The following HDAC9 variants were observed in gnomAD, a reference collection of about 807,000 sequenced individuals.
HDAC9 encodes the protein histone deacetylase 9.
In HDAC9, 41 loss-of-function variants were observed where a neutral mutation model predicts 139.4. The ratio of observed to expected loss-of-function variants is 0.29; its 90% CI spans 0.23 to 0.38. HDAC9 has a LOEUF of 0.38. Among genes scored for constraint, HDAC9 ranks in the 10% least tolerant of loss-of-function variants. The pLI, the probability that HDAC9 is intolerant of heterozygous loss-of-function variation, is 1.00. For synonymous variants in HDAC9, 517 were observed against 476.2 expected (o/e 1.09, Z -1.12); for missense variants, 1,147 against 1,297.0 (o/e 0.88, Z 1.78).
At chr7:18,539,224 G>C in intron 2 of HDAC9, among the ~76,000 whole-genome samples, 1 of 152,140 alleles carries the variant, frequency 6.6e-6, no homozygotes, top group Admixed American at 6.5e-5. Context: ...CTACTTATGT[G>C]GGTGTGATAG....
chr7:18,188,273 C>T (rs557766796), intron 2 of HDAC9, among the ~76,000 whole-genome samples: 10 of 152,150 alleles, frequency 6.6e-5, no homozygotes, highest in African/African-American at 9.6e-5. Context: ...AAATAAATGG[C>T]GTTGGGAAAA....
At chr7:18,342,403 T>G (rs1272682758) in intron 1 of HDAC9, among the ~76,000 whole-genome samples, 1 of 151,914 alleles carries the variant, frequency 6.6e-6, no homozygotes, top group Non-Finnish European at 1.5e-5. Context: ...TCTCCTTTGT[T>G]GCCTCATGTC....
intron 1 of HDAC9, among the ~76,000 whole-genome samples, chr7:18,361,094 A>G (rs1783741140): frequency 6.6e-6 from 1 of 151,980 alleles, no homozygotes; most frequent in Non-Finnish European, 1.5e-5. Context: ...TTAGCTAGCA[A>G]ATTTTTTTTT....
chr7:18,510,005 T>C (rs745602594), intron 2 of HDAC9, among the ~76,000 whole-genome samples: 1 of 152,234 alleles, frequency 6.6e-6, no homozygotes, highest in African/African-American at 2.4e-5. Flanking sequence ...TATTGCACAA[T>C]GTGTTTTTAT....
chr7:18,800,563 C>T (rs529391418), intron 17 of HDAC9, among the ~76,000 whole-genome samples: 5 of 152,102 alleles, frequency 3.3e-5, no homozygotes, highest in Admixed American at 2.0e-4. Context: ...CAAGGGATGG[C>T]GGTGCATGCC....
intron 1 of HDAC9, among the ~76,000 whole-genome samples, chr7:18,391,334 G>T (rs546255677): frequency 1.3e-5 from 2 of 151,794 alleles, no homozygotes; most frequent in East Asian, 3.9e-4. Flanking sequence ...GCAGTGAGCC[G>T]CTATCGTGCC....
chr7:18,856,053 A>G (rs1229232083), intron 21 of HDAC9, among the ~76,000 whole-genome samples: 4 of 152,122 alleles, frequency 2.6e-5, no homozygotes, highest in Non-Finnish European at 5.9e-5. Flanking sequence ...CACAGACCCA[A>G]CATCTGTTGG....
At position 18,262,838 on chromosome 7, in the gene HDAC9, T is replaced by A. The variant is rs138710322; in HGVS notation, c.25+100489T>A. Reference sequence around the variant, plus strand: ...TTGAGATAATATTAATCACCAGGGATTAAGAAAACAACTAAAATGCATACT... The same window carrying A: ...TTGAGATAATATTAATCACCAGGGAATAAGAAAACAACTAAAATGCATACT... On this transcript the variant is annotated intron_variant, in intron 2 of 12. Transcript: ENST00000417496. Among the ~76,000 whole-genome samples the A allele has an allele frequency of 1.6e-4, 25 of 152,194 alleles. No homozygotes were observed. In the East Asian group the frequency reaches 4.6e-3, roughly 28 times the overall value.
intron 1 of HDAC9, among the ~76,000 whole-genome samples, chr7:18,317,842 A>G (rs888401085): frequency 6.6e-6 from 1 of 152,230 alleles, no homozygotes; most frequent in African/African-American, 2.4e-5. Context: ...TCTAACAGAA[A>G]TACTTAGTAG....
chr7:18,319,332 C>G (rs1432056492), intron 1 of HDAC9, among the ~76,000 whole-genome samples: 2 of 152,056 alleles, frequency 1.3e-5, no homozygotes, highest in African/African-American at 4.8e-5. Context: ...TAAACATAAA[C>G]TATAAAGCCA....
intron 12 of HDAC9, among the ~76,000 whole-genome samples, chr7:18,714,582 C>T (rs778993617): frequency 2.0e-5 from 3 of 152,224 alleles, no homozygotes; most frequent in East Asian, 3.8e-4. Flanking sequence ...GGTGCCCTGT[C>T]ACGAGAGTGA....
chr7:18,195,126 C>G (rs1475302746), intron 2 of HDAC9, among the ~76,000 whole-genome samples: 1 of 152,118 alleles, frequency 6.6e-6, no homozygotes, highest in Admixed American at 6.5e-5. Flanking sequence ...CTATCTGAAA[C>G]AACAATTCTA....
chr7:18,860,672 G>T (rs563179351), intron 21 of HDAC9, among the ~76,000 whole-genome samples: 1 of 151,864 alleles, frequency 6.6e-6, no homozygotes, highest in Non-Finnish European at 1.5e-5. Flanking sequence ...ATAAAGGAAA[G>T]AAAAAAAGGA....
At chr7:18,496,746 G>C (rs1193339308) in intron 2 of HDAC9, 1 of 158,246 alleles carries the variant, frequency 6.3e-6, no homozygotes, top group Non-Finnish European at 1.4e-5. Flanking sequence ...TATTTACTCT[G>C]TGCCTACAGA....
chr7:18,639,008 A>G (rs1225072726), intron 8 of HDAC9, among the ~76,000 whole-genome samples: 1 of 152,080 alleles, frequency 6.6e-6, no homozygotes, highest in East Asian at 1.9e-4. Flanking sequence ...TTTATTTGAT[A>G]GCTATTTTAA....
rs1419735453 is a variant in HDAC9 at position 18,662,779 on chromosome 7, G to A, written c.1468-3434G>A. On this transcript the variant is annotated intron_variant, in intron 11 of 25. Transcript: ENST00000686413. The stretch of plus-strand genomic sequence containing the variant: ...GAGGAGGTAGTACGAGACGGTGAAA[G>A]TAAATTAACTAGAAAAGTGGAATAG... 2.0e-5 allele frequency among the ~76,000 whole-genome samples: 3 copies of A among 152,106 alleles called. No homozygotes were observed. In the East Asian group the frequency reaches 5.8e-4, roughly 29 times the overall value.
chr7:18,774,539 G>A (rs1790592625), intron 16 of HDAC9, among the ~76,000 whole-genome samples: 1 of 152,022 alleles, frequency 6.6e-6, no homozygotes, highest in African/African-American at 2.4e-5. Context: ...TAAGTTTACA[G>A]TAGCATTATA....
intron 1 of HDAC9, among the ~76,000 whole-genome samples, chr7:18,379,369 A>G (rs1785243870): frequency 6.6e-6 from 1 of 152,236 alleles, no homozygotes; most frequent in African/African-American, 2.4e-5. Flanking sequence ...CATGTATACC[A>G]GACAAACAAC....
chr7:18,293,306 TTC>T (rs1341876309), intron 1 of HDAC9, among the ~76,000 whole-genome samples: 1 of 101,266 alleles, frequency 9.9e-6, no homozygotes, highest in East Asian at 2.5e-4. Context: ...CATTCTTAGA[TTC>T]TTTTTTTTTT....
Sources: allele counts gnomAD v4.1 joint callset (sites outside exome capture counted in the v4.1 genomes callset), GRCh38; gene constraint gnomAD v4.1.1; transcripts MANE v1.5; gene names NCBI Gene and HGNC (gene_info 2026-07-23, HGNC 2026-07-21).